The following PLCG2 variants were observed in gnomAD, a reference collection of about 807,000 sequenced individuals.
PLCG2 encodes the protein phospholipase C gamma 2.
PLCG2 carries 69 observed loss-of-function variants against 175.6 expected under a neutral mutation model. The observed-to-expected ratio is 0.39, with a 90% CI of 0.32 to 0.48. PLCG2 has a LOEUF of 0.48. Among genes scored for constraint, PLCG2 ranks in the 20% least tolerant of loss-of-function variants. PLCG2 has a pLI of 0.91. For synonymous variants in PLCG2, 827 were observed against 624.0 expected (o/e 1.33, Z -4.85); for missense variants, 1,798 against 1,650.9 (o/e 1.09, Z -1.54).
chr16:81,811,930 T>A (rs2143296823), intron 2 of PLCG2, among the ~76,000 whole-genome samples: 1 of 152,242 alleles, frequency 6.6e-6, no homozygotes, highest in East Asian at 1.9e-4. Context: ...TGCTAGATCC[T>A]CGAGGAATTG....
upstream of PLCG2, among the ~76,000 whole-genome samples, chr16:81,775,879 C>A (rs544924355): frequency 6.6e-5 from 10 of 151,916 alleles, no homozygotes; most frequent in South Asian, 2.1e-4. Flanking sequence ...AAACTCACAT[C>A]TCCCTGCCTG....
Position 81,786,112 on chromosome 16 carries a change from A to T in PLCG2, c.123A>T (p.Arg41Ser). The T allele has an allele frequency of 6.2e-7, 1 of 1,614,176 alleles. No individual in the cohort carries two copies. Among genetic ancestry groups the T allele is most frequent in the Non-Finnish European group, 8.5e-7 (1 of 1,180,036 alleles). Residue 41 changes from arginine to serine, a missense_variant, in exon 2 of 33, where the codon AGA (arginine) becomes AGT (serine). Arg to Ser is a moderately radical substitution (Grantham distance 110). Transcript: ENST00000564138. ...TCCGCAAGTCCACCCCCGAGCGGAG[A>T]ACCGTCCAGGTGATCATGGAGACGC... The part of the protein sequence containing the change: ...FSFRKSTPER[R>S]TVQVIMETRQ...
chr16:81,903,075 A>G (rs1909219687), intron 14 of PLCG2, among the ~76,000 whole-genome samples: 1 of 152,168 alleles, frequency 6.6e-6, no homozygotes, highest in Non-Finnish European at 1.5e-5. Flanking sequence ...TTACCTTCCA[A>G]AGCTACCATC....
In PLCG2 at chr16:81,934,490, T is replaced by G. The variant is rs772415250; in HGVS notation, c.2801T>G (p.Val934Gly). ...QSIAIELSDL[V>G]VYCKPTSKTK... The stretch of plus-strand genomic sequence containing the variant: ...ATCGCCATCGAGCTCTCTGACCTGG[T>G]TGTCTACTGCAAACCAACCAGCAAA... Residue 934 changes from valine (V) to glycine (G), a missense_variant, in exon 26 of 33, where the codon GTT becomes GGT. Transcript: ENST00000564138. The G allele has an allele frequency of 6.2e-7, 1 of 1,613,550 alleles. No homozygotes were observed. Among genetic ancestry groups the G allele is most frequent in the Non-Finnish European group, 8.5e-7 (1 of 1,179,656 alleles).
chr16:81,793,692 C>T (rs1304415627), intron 2 of PLCG2, among the ~76,000 whole-genome samples: 2 of 152,096 alleles, frequency 1.3e-5, no homozygotes, highest in South Asian at 2.1e-4. Flanking sequence ...ATAGTGATAC[C>T]GTTGATGAGA....
chr16:81,825,334 G>C (rs1358525995), intron 2 of PLCG2, among the ~76,000 whole-genome samples: 1 of 146,036 alleles, frequency 6.8e-6, no homozygotes, highest in Non-Finnish European at 1.5e-5. Context: ...TGTCACCCAG[G>C]CTGGAGTGCA....
intron 24 of PLCG2, 44 bp downstream of exon 24, chr16:81,928,668 C>T: frequency 3.7e-6 from 5 of 1,366,100 alleles, no homozygotes; most frequent in Non-Finnish European, 5.2e-6. Flanking sequence ...ACCCCTATCC[C>T]CCATGGGCTG....
chr16:81,835,226 A>G (rs1262273408), intron 2 of PLCG2, among the ~76,000 whole-genome samples: 1 of 152,212 alleles, frequency 6.6e-6, no homozygotes, highest in Non-Finnish European at 1.5e-5. Context: ...GGCTGGCACG[A>G]AATGGGATAA....
chr16:81,933,515 TC>T (rs1410098539), intron 25 of PLCG2, among the ~76,000 whole-genome samples: 3 of 151,974 alleles, frequency 2.0e-5, no homozygotes, highest in African/African-American at 7.2e-5. Context: ...GACTTCCCAT[TC>T]TGAGATGGCT....
At chr16:81,937,132 G>A (rs970617875) in intron 27 of PLCG2, among the ~76,000 whole-genome samples, 5 of 152,230 alleles carry the variant, frequency 3.3e-5, no homozygotes, top group African/African-American at 1.2e-4. Flanking sequence ...ACGTGCCTGA[G>A]CTAAGCCACA....
chr16:81,831,804 G>C (rs2143387495), intron 2 of PLCG2, among the ~76,000 whole-genome samples: 1 of 152,334 alleles, frequency 6.6e-6, no homozygotes, highest in South Asian at 2.1e-4. Flanking sequence ...TTACCTTCTA[G>C]CTGTCTGCAA....
At chr16:81,921,541 A>T in intron 21 of PLCG2, 1 of 453,902 alleles carries the variant, frequency 2.2e-6, no homozygotes, top group East Asian at 4.6e-5. Context: ...GCTTCTAATG[A>T]AAAGTCTTTC....
intron 2 of PLCG2, among the ~76,000 whole-genome samples, chr16:81,820,083 T>A (rs955256423): frequency 1.3e-5 from 2 of 152,218 alleles, no homozygotes; most frequent in Non-Finnish European, 2.9e-5. Flanking sequence ...TCTTTAAGGA[T>A]TATGATCTTT....
chr16:81,937,510 C>A, intron 27 of PLCG2: 1 of 388,052 alleles, frequency 2.6e-6, no homozygotes. Context: ...TACATAGACA[C>A]TTTTAGCAAG....
chr16:81,927,180 T>C lies in PLCG2; in HGVS notation c.2514+2T>C. ...GACTTCGAGGAGCTAGAAAAGCAGG[T>C]GAGTCCCCCTCTTCGATCCTCTTAC... is the stretch of plus-strand genomic sequence containing the variant. On this transcript the variant is annotated splice_donor_variant, in intron 23 of 32. Transcript: ENST00000564138. LOFTEE classifies it high-confidence loss of function. 1.3e-6 allele frequency: 2 copies of C among 1,598,428 alleles called. No individual in the cohort carries two copies. Among genetic ancestry groups the C allele is most frequent in the Admixed American group, 3.3e-5 (2 of 59,992 alleles).
chr16:81,841,842 C>G (rs544868025), intron 2 of PLCG2, among the ~76,000 whole-genome samples: 1 of 152,210 alleles, frequency 6.6e-6, no homozygotes, highest in Admixed American at 6.5e-5. Flanking sequence ...TAACCTAACA[C>G]CTTTGGTTTT....
chr16:81,908,424 C>T lies in PLCG2; in HGVS notation c.1566C>T (p.Pro522=), dbSNP rs753080096. 6.2e-7 allele frequency: 1 copy of T among 1,613,638 alleles called. No homozygotes were observed. The highest frequency in any genetic ancestry group is 2.2e-5 in the East Asian group (1 of 44,882). Residue 522 remains proline, a synonymous_variant, in exon 17 of 33, where the codon CCC becomes CCT. Transcript: ENST00000564138. ...TMEEEVPQDI[P]PTELHFGEKW... is the part of the protein sequence containing the mutation. ...CTCTCTTTGCGGCCCAGGATATACC[C>T]CCTACAGAACTACATTTTGGGGAGA...
rs572894304 is a variant in PLCG2, at chr16:81,959,066, A to G, written c.*1068A>G. 1.2e-3 allele frequency: 269 copies of G among 223,408 alleles called. 2 individuals are homozygous for G. The highest frequency in any genetic ancestry group is 5.4e-3 in the African/African-American group (243 of 44,938). The allele number at this position is 223,408 out of a possible 1,614,324, so 13.8% of individuals were successfully genotyped here. ...TACACCTCTGCATCTTAAGTTGTTA[A>G]TACATACCAATAATGTAATATGGCT... On this transcript the variant is annotated 3_prime_UTR_variant, in exon 33 of 33. Coordinates refer to ENST00000564138, the MANE Select transcript of PLCG2 (RefSeq NM_002661.5).
At chr16:81,751,985 GCA>G (rs1174020991) in intron 1 of PLCG2, among the ~76,000 whole-genome samples, 6 of 151,956 alleles carry the variant, frequency 3.9e-5, no homozygotes, top group Non-Finnish European at 8.8e-5. Context: ...TTGTGCCACT[GCA>G]CTCCAGCCTG....
Sources: gnomAD v4.1 joint callset for allele counts (sites outside exome capture counted in the v4.1 genomes callset) on GRCh38, gnomAD v4.1.1 for gene constraint, MANE v1.5 for transcripts, NCBI Gene and HGNC (gene_info 2026-07-23, HGNC 2026-07-21) for gene names.